The following MORN4 variants were observed in gnomAD, a reference collection of about 807,000 sequenced individuals.
MORN4 encodes MORN repeat containing 4, also known as MORN repeat-containing protein 4.
Under a neutral mutation model 16.4 loss-of-function variants are expected in MORN4, and 8 were observed. That is an observed-to-expected ratio of 0.49 (90% CI 0.29 to 0.88). MORN4 has a LOEUF of 0.88. Ranked by LOEUF, MORN4 falls within the 40% of genes least tolerant of loss-of-function variation. The pLI is 0.09. For missense variants in MORN4, 159 were observed against 182.9 expected, an observed-to-expected ratio of 0.87 and a Z score of 0.75; for synonymous variants, 53 against 68.9, an observed-to-expected ratio of 0.77 and a Z score of 1.14.
At chr10:97,618,258 CTTTT>C (rs1192502394) in intron 2 of MORN4, among the ~76,000 whole-genome samples, 1 of 92,826 alleles carries the variant, frequency 1.1e-5, no homozygotes, top group South Asian at 4.1e-4. Context: ...AGCCTCTCTT[CTTTT>C]TTTTTTTTTT....
chr10:97,616,350 G>A lies in MORN4; in HGVS notation c.354C>T (p.Asn118=). The A allele has an allele frequency of 3.1e-6, 5 of 1,613,298 alleles. No homozygotes were observed. The highest frequency in any genetic ancestry group is 4.2e-6 in the Non-Finnish European group (5 of 1,179,582). Reference sequence around the variant, plus strand: ...ACTTCTCACGTCGCAGCAGCTTGTTGTTCTCAAAGAGACCTTCATTGCGGG... The same window carrying A: ...ACTTCTCACGTCGCAGCAGCTTGTTATTCTCAAAGAGACCTTCATTGCGGG... ...GIPRNEGLFE[N]NKLLRREKCS... Residue 118 remains asparagine (N), a synonymous_variant, in exon 5 of 5, where the codon AAC becomes AAT. Transcript: ENST00000307450.
Position 97,616,267 on chromosome 10 carries a change from G to C in MORN4, c.437C>G (p.Ala146Gly), listed in dbSNP as rs1312604779. The C allele has an allele frequency of 3.1e-6, 5 of 1,597,160 alleles. No homozygotes were observed. Among genetic ancestry groups the C allele is most frequent in the East Asian group, 4.5e-5 (2 of 44,640 alleles). ...SASKSARNLT[A>G] ...CAGCTGGTGCCCACTGCGCTGTCAGGCAGTGAGATTTCTGGCTGACTTGGA... is the reference window on the plus strand; with the variant it reads ...CAGCTGGTGCCCACTGCGCTGTCAGCCAGTGAGATTTCTGGCTGACTTGGA... Residue 146 changes from alanine to glycine, a missense_variant, in exon 5 of 5, where the codon GCC becomes GGC. Physicochemically the swap from Ala to Gly is moderately conservative, Grantham distance 60. Coordinates refer to ENST00000307450, the MANE Select transcript of MORN4 (RefSeq NM_178832.4).
intron 1 of MORN4, among the ~76,000 whole-genome samples, chr10:97,631,946 AAG>A (rs71741034): frequency 0.094 from 12,028 of 128,274 alleles, 642 homozygotes; most frequent in Non-Finnish European, 0.13. Context: ...TCTCAAAAAA[AAG>A]AAAAGAAAAG....
intron 1 of MORN4, among the ~76,000 whole-genome samples, chr10:97,632,625 A>C (rs948501328): frequency 3.9e-5 from 6 of 151,964 alleles, no homozygotes; most frequent in Admixed American, 3.9e-4. Flanking sequence ...TATCGTTGCT[A>C]TATGAAGGGT....
rs574369558 is a variant in MORN4, at chr10:97,614,879, G to A, written c.*1384C>T. The stretch of plus-strand genomic sequence containing the variant: ...GGTCCAATTCTACCAAAACCCCAGG[G>A]GTTCGGGTGAGTCTGATTTATTGGT... On this transcript the variant is annotated 3_prime_UTR_variant, in exon 5 of 5. Coordinates refer to ENST00000307450, the MANE Select transcript of MORN4 (RefSeq NM_178832.4). 6.6e-6 allele frequency: 1 copy of A among 152,464 alleles called. No homozygotes were observed. The highest frequency in any genetic ancestry group is 1.5e-5 in the Non-Finnish European group (1 of 68,046). The allele number at this position is 152,464 out of a possible 1,614,324, so 9.4% of individuals were successfully genotyped here. A position where few individuals can be genotyped will look rare whatever the true frequency, so the allele number is the denominator to read the frequency against.
intron 2 of MORN4, among the ~76,000 whole-genome samples, chr10:97,618,869 TC>T (rs2041263105): frequency 6.6e-6 from 1 of 151,904 alleles, no homozygotes. Context: ...GTGTTTGCCT[TC>T]TTGTTCTACC....
At chr10:97,616,519 C>A in intron 4 of MORN4, 108 bp from the exon 5 acceptor site, 2 of 1,340,522 alleles carry the variant, frequency 1.5e-6, no homozygotes, top group Non-Finnish European at 1.0e-6. Context: ...GAAAAACTCC[C>A]AGCTCTACTC....
chr10:97,633,282 C>T lies in MORN4; in HGVS notation c.-31+65G>A. 2 of 1,272,350 alleles carry T rather than the reference C, an allele frequency of 1.6e-6. No individual in the cohort carries two copies. Among genetic ancestry groups the T allele is most frequent in the Non-Finnish European group, 2.0e-6 (2 of 979,020 alleles). 78.8% of individuals were successfully genotyped at this position (1,272,350 alleles called of 1,614,324 possible). On this transcript the variant is annotated intron_variant, in intron 1 of 4. Coordinates refer to ENST00000307450, the MANE Select transcript of MORN4 (RefSeq NM_178832.4). This position sits in a 1 kb window ranked among gnomAD's most constrained non-coding sequence, Gnocchi z 4.5. Reference sequence around the variant, plus strand: ...GAGCCGGGTCATCTCGTGCTCCGTTCCTCAGTGCCCACCTGACCGATCACA... The same window carrying T: ...GAGCCGGGTCATCTCGTGCTCCGTTTCTCAGTGCCCACCTGACCGATCACA...
chr10:97,633,627 A>T, upstream of MORN4: 1 of 1,286,306 alleles, frequency 7.8e-7, no homozygotes, highest in Non-Finnish European at 1.0e-6. This position sits in a 1 kb window ranked among gnomAD's most constrained non-coding sequence, Gnocchi z 4.5. Flanking sequence ...CGGGCTGACT[A>T]TGTGAAAGAG....
At chr10:97,621,190 C>T (rs2041290102) in intron 1 of MORN4, among the ~76,000 whole-genome samples, 1 of 152,116 alleles carries the variant, frequency 6.6e-6, no homozygotes, top group Admixed American at 6.6e-5. Context: ...CCCAACCTCT[C>T]ATTTTATAGG....
intron 1 of MORN4, among the ~76,000 whole-genome samples, chr10:97,630,811 T>C (rs192474206): frequency 2.6e-5 from 4 of 152,234 alleles, no homozygotes; most frequent in African/African-American, 9.6e-5. Context: ...GAGACAAACC[T>C]AGTTTAACAA....
At chr10:97,630,069 C>T (rs1037324596) in intron 1 of MORN4, among the ~76,000 whole-genome samples, 5 of 151,558 alleles carry the variant, frequency 3.3e-5, no homozygotes, top group Middle Eastern at 3.2e-3. Context: ...GGACTACAGG[C>T]GCCCGCCACC....
chr10:97,619,605 G>T lies in MORN4; in HGVS notation c.49C>A (p.Arg17Ser). 5 of 1,613,670 alleles carry T rather than the reference G, an allele frequency of 3.1e-6. No homozygotes were observed. Among genetic ancestry groups the T allele is most frequent in the Non-Finnish European group, 4.2e-6 (5 of 1,179,610 alleles). Residue 17 changes from arginine to serine, a missense_variant, in exon 2 of 5, where the codon CGT (arginine) becomes AGT (serine). Arg to Ser is a moderately radical substitution (Grantham distance 110). Coordinates refer to ENST00000307450, the MANE Select transcript of MORN4 (RefSeq NM_178832.4). ...TTCTCACCCTCCTTCCACTCGCCAC[G>T]ATATTCCTCCCCACTGGAGTAGGTG... is the stretch of plus-strand genomic sequence containing the variant. ...SFTYSSGEEY[R>S]GEWKEGRRHG...
At chr10:97,616,521 G>T in intron 4 of MORN4, 110 bp from the exon 5 acceptor site, 1 of 1,341,866 alleles carries the variant, frequency 7.5e-7, no homozygotes, top group Non-Finnish European at 1.0e-6. Context: ...AAAACTCCCA[G>T]CTCTACTCAG....
rs749227463 is a variant in MORN4 at position 97,619,502 on chromosome 10, C to T, written c.67+85G>A. 1.7e-5 allele frequency: 16 copies of T among 914,876 alleles called. No homozygotes were observed. The South Asian group carries it at 2.0e-4, about 11-fold the overall frequency. The allele number at this position is 914,876 out of a possible 1,614,324, so 56.7% of individuals were successfully genotyped here. On this transcript the variant is annotated intron_variant, in intron 2 of 4. Transcript: ENST00000307450. The stretch of plus-strand genomic sequence containing the variant: ...AATCCTGGAGTTGAAAATGAAGATC[C>T]ATAAAGTTGGCTATATATCCTGATG...
Position 97,619,605 on chromosome 10 carries a change from G to A in MORN4, c.49C>T (p.Arg17Cys), listed in dbSNP as rs1297139120. The change falls in exon 2 of 5, where the codon CGT becomes TGT. Residue 17 changes from arginine to cysteine, a missense_variant. Coordinates refer to ENST00000307450, the MANE Select transcript of MORN4 (RefSeq NM_178832.4). ...SFTYSSGEEY[R>C]GEWKEGRRHG... ...TTCTCACCCTCCTTCCACTCGCCAC[G>A]ATATTCCTCCCCACTGGAGTAGGTG... The A allele has an allele frequency of 3.7e-6, 6 of 1,613,672 alleles. No individual in the cohort carries two copies. The highest frequency in any genetic ancestry group is 3.4e-6 in the Non-Finnish European group (4 of 1,179,612).
intron 1 of MORN4, among the ~76,000 whole-genome samples, chr10:97,624,513 G>C (rs1028575216): frequency 6.6e-6 from 1 of 152,082 alleles, no homozygotes; most frequent in Non-Finnish European, 1.5e-5. Context: ...CAAACTTCTG[G>C]GCTAAAGTGA....
intron 2 of MORN4, among the ~76,000 whole-genome samples, chr10:97,618,251 C>G (rs2041255353): frequency 2.0e-5 from 3 of 147,750 alleles, no homozygotes; most frequent in Admixed American, 1.4e-4. Context: ...ATGTGCCAGC[C>G]TCTCTTCTTT....
At position 97,633,297 on chromosome 10, in the gene MORN4, G is replaced by C. The variant is rs935422536; in HGVS notation, c.-31+50C>G. On this transcript the variant is annotated intron_variant, in intron 1 of 4. Coordinates refer to ENST00000307450, the MANE Select transcript of MORN4 (RefSeq NM_178832.4). This position sits in a 1 kb window ranked among gnomAD's most constrained non-coding sequence, Gnocchi z 4.5. ...GTGCTCCGTTCCTCAGTGCCCACCTGACCGATCACACTCTTTCCCGGCCCC... is the reference window on the plus strand; with the variant it reads ...GTGCTCCGTTCCTCAGTGCCCACCTCACCGATCACACTCTTTCCCGGCCCC... The C allele has an allele frequency of 1.6e-6, 2 of 1,284,102 alleles. No homozygotes were observed. Among genetic ancestry groups the C allele is most frequent in the African/African-American group, 3.0e-5 (2 of 65,736 alleles). 79.5% of individuals were successfully genotyped at this position (1,284,102 alleles called of 1,614,324 possible).
Sources: gnomAD v4.1 joint callset for allele counts (sites outside exome capture counted in the v4.1 genomes callset) on GRCh38, gnomAD v4.1.1 for gene constraint, Gnocchi (gnomAD v3.1) non-coding constraint, MANE v1.5 for transcripts, NCBI Gene and HGNC (gene_info 2026-07-23, HGNC 2026-07-21) for gene names.